RASSF2: variants seen among roughly 807,000 people sequenced by gnomAD.
RASSF2 encodes the protein Ras association domain family member 2, also known as ras association domain-containing protein 2.
Under a neutral mutation model 46.3 loss-of-function variants are expected in RASSF2, and 34 were observed. The ratio of observed to expected loss-of-function variants is 0.73; its 90% CI spans 0.56 to 0.98. RASSF2 has a LOEUF of 0.98. RASSF2 is among the 50% of genes least tolerant of loss of function. The pLI is 0.00. For missense variants in RASSF2, 364 were observed against 431.2 expected, an observed-to-expected ratio of 0.84 and a Z score of 1.38; for synonymous variants, 158 against 162.5, an observed-to-expected ratio of 0.97 and a Z score of 0.21.
At chr20:4,807,200 A>G (rs1927405552) in intron 2 of RASSF2, among the ~76,000 whole-genome samples, 1 of 152,188 alleles carries the variant, frequency 6.6e-6, no homozygotes, top group Admixed American at 6.5e-5. Context: ...GGAAGGGGGA[A>G]GACAGGGAAG....
In RASSF2 at chr20:4,782,899, C is replaced by G. The variant is rs73586971; in HGVS notation, c.*1374G>C. 3 of 147,658 alleles carry G rather than the reference C, an allele frequency of 2.0e-5. No individual in the cohort carries two copies. The highest frequency in any genetic ancestry group is 2.9e-5 in the Non-Finnish European group (2 of 68,118). 9.1% of individuals were successfully genotyped at this position (147,658 alleles called of 1,614,324 possible). ...GGCACCCAGGTCCAAGCATCTGTCT[C>G]CCTCCTCAAACGATATCAGCTGCAC... On this transcript the variant is annotated 3_prime_UTR_variant, in exon 12 of 12. Transcript: ENST00000379400.
intron 11 of RASSF2, 124 bp from the exon 12 acceptor site, chr20:4,784,466 C>G: frequency 1.2e-6 from 1 of 811,902 alleles, no homozygotes; most frequent in South Asian, 1.5e-5. Flanking sequence ...TGCCCTGCTC[C>G]TTTGCTTCCA....
intron 5 of RASSF2, 84 bp from the exon 6 acceptor site, chr20:4,792,711 C>G: frequency 7.9e-6 from 12 of 1,513,788 alleles, no homozygotes; most frequent in South Asian, 3.9e-5. Context: ...GGACCCCACT[C>G]CTGAAAGGGG....
At chr20:4,805,262 C>A (rs987609623) in intron 2 of RASSF2, among the ~76,000 whole-genome samples, 1 of 152,098 alleles carries the variant, frequency 6.6e-6, no homozygotes, top group African/African-American at 2.4e-5. Flanking sequence ...CTAAATGTAA[C>A]CACCAGTGTC....
At chr20:4,800,735 C>T (rs1269319947) in intron 3 of RASSF2, among the ~76,000 whole-genome samples, 1 of 152,152 alleles carries the variant, frequency 6.6e-6, no homozygotes, top group Non-Finnish European at 1.5e-5. Context: ...GTTTCTGCGT[C>T]TTGACTTCCC....
rs1170396766 is a variant in RASSF2, at chr20:4,780,780, G to A, written c.*3493C>T. 6.6e-6 allele frequency: 1 copy of A among 152,170 alleles called. No individual in the cohort carries two copies. Among genetic ancestry groups the A allele is most frequent in the Admixed American group, 6.5e-5 (1 of 15,282 alleles). The allele number at this position is 152,170 out of a possible 1,614,324, so 9.4% of individuals were successfully genotyped here. A position where few individuals can be genotyped will look rare whatever the true frequency, so the allele number is the denominator to read the frequency against. On this transcript the variant is annotated 3_prime_UTR_variant, in exon 12 of 12. Transcript: ENST00000379400. ...AGGAGTTCAAGACCAGCCTGGCCAAGATGGTGAAACCCCACCTCTACTAAA... is the reference window on the plus strand; with the variant it reads ...AGGAGTTCAAGACCAGCCTGGCCAAAATGGTGAAACCCCACCTCTACTAAA...
rs536027921 is a variant in RASSF2 at position 4,817,926 on chromosome 20, C to T, written c.-33+4403G>A. On this transcript the variant is annotated intron_variant, in intron 2 of 11. Transcript: ENST00000379400. ...CATATGGAATCATTTAATCCCTTGCCTTGGAGATGGGGAAACTGAGAACCA... is the reference window on the plus strand; with the variant it reads ...CATATGGAATCATTTAATCCCTTGCTTTGGAGATGGGGAAACTGAGAACCA... 9.9e-5 allele frequency among the ~76,000 whole-genome samples: 15 copies of T among 152,260 alleles called. No individual in the cohort carries two copies. The South Asian group carries it at 2.5e-3, about 25-fold the overall frequency.
intron 10 of RASSF2, among the ~76,000 whole-genome samples, chr20:4,787,057 CA>C (rs112411943): frequency 2.0e-3 from 268 of 135,732 alleles, no homozygotes; most frequent in Admixed American, 2.4e-3. Context: ...GACTCCATCC[CA>C]AAAAAAAAAA....
intron 2 of RASSF2, among the ~76,000 whole-genome samples, chr20:4,816,475 T>A (rs937529088): frequency 1.3e-5 from 2 of 152,200 alleles, no homozygotes; most frequent in Non-Finnish European, 2.9e-5. Flanking sequence ...GTGAGGGGGT[T>A]ATTGTTTAAT....
At chr20:4,811,784 G>C (rs1337724841) in intron 2 of RASSF2, among the ~76,000 whole-genome samples, 1 of 152,140 alleles carries the variant, frequency 6.6e-6, no homozygotes, top group Non-Finnish European at 1.5e-5. Context: ...CTGATGCAAA[G>C]GAAACGCTCA....
chr20:4,801,749 G>GT (rs1310890086), intron 2 of RASSF2, among the ~76,000 whole-genome samples: 2 of 151,702 alleles, frequency 1.3e-5, no homozygotes, highest in Admixed American at 6.6e-5. Context: ...GTTTTGTTTT[G>GT]TTTTTTGAGA....
Position 4,812,369 on chromosome 20 carries a change from G to A in RASSF2, c.-33+9960C>T, listed in dbSNP as rs547797948. On this transcript the variant is annotated intron_variant, in intron 2 of 11. Transcript: ENST00000379400. This position sits in a 1 kb window ranked among gnomAD's most constrained non-coding sequence, Gnocchi z 4.0. Reference sequence around the variant, plus strand: ...GAGGCACAAAGAAGCTATGCCACTTGCCCAAAGACACACAGCTAGAAGGGG... The same window carrying A: ...GAGGCACAAAGAAGCTATGCCACTTACCCAAAGACACACAGCTAGAAGGGG... Among the ~76,000 whole-genome samples the A allele has an allele frequency of 6.6e-6, 1 of 152,308 alleles. No homozygotes were observed. Among genetic ancestry groups the A allele is most frequent in the East Asian group, 1.9e-4 (1 of 5,186 alleles).
Position 4,792,571 on chromosome 20 carries a change from G to A in RASSF2, c.344C>T (p.Pro115Leu), listed in dbSNP as rs764346006. 2.5e-5 allele frequency: 41 copies of A among 1,613,942 alleles called. 1 individual carries two copies. The highest frequency in any genetic ancestry group is 6.6e-5 in the South Asian group (6 of 91,076). Residue 115 changes from proline to leucine, a missense_variant, in exon 6 of 12, where the codon CCG becomes CTG. Pro to Leu is a moderately conservative substitution (Grantham distance 98). Transcript: ENST00000379400. Reference protein sequence around the residue: ...PKVQISEVDAPPEGDQMPSST... With the variant: ...PKVQISEVDALPEGDQMPSST... ...GCTTGGCATCTGGTCACCCTCCGGCGGGGCATCCACCTCTGAGATCTGAAC... is the reference window on the plus strand; with the variant it reads ...GCTTGGCATCTGGTCACCCTCCGGCAGGGCATCCACCTCTGAGATCTGAAC...
At chr20:4,802,206 G>C (rs542106403) in intron 2 of RASSF2, among the ~76,000 whole-genome samples, 1 of 152,150 alleles carries the variant, frequency 6.6e-6, no homozygotes, top group African/African-American at 2.4e-5. Context: ...CGAGTAGCTG[G>C]AACTACAGGT....
chr20:4,821,109 G>A (rs891137248), intron 2 of RASSF2, among the ~76,000 whole-genome samples: 4 of 152,042 alleles, frequency 2.6e-5, no homozygotes, highest in Non-Finnish European at 4.4e-5. Context: ...GCCTGGCTCC[G>A]GGGCACCAGG....
chr20:4,783,915 C>T lies in RASSF2; in HGVS notation c.*358G>A. On this transcript the variant is annotated 3_prime_UTR_variant, in exon 12 of 12. Coordinates refer to ENST00000379400, the MANE Select transcript of RASSF2 (RefSeq NM_014737.3). ...CTGATTTTCCTGCTCACGAGCAGCA[C>T]ATGTGCCAAGCTCACGGCTCTTGTG... The T allele has an allele frequency of 4.7e-6, 1 of 214,488 alleles. No homozygotes were observed. The highest frequency in any genetic ancestry group is 1.0e-4 in the East Asian group (1 of 9,792). 13.3% of individuals were successfully genotyped at this position (214,488 alleles called of 1,614,324 possible). A position where few individuals can be genotyped will look rare whatever the true frequency, so the allele number is the denominator to read the frequency against.
chr20:4,809,446 A>G (rs1405932038), intron 2 of RASSF2, among the ~76,000 whole-genome samples: 2 of 152,054 alleles, frequency 1.3e-5, no homozygotes, highest in Non-Finnish European at 2.9e-5. Flanking sequence ...CAATGCAGGG[A>G]CAGGCACTCC....
In RASSF2 at chr20:4,790,900, A is replaced by G. The variant is rs1925818223; in HGVS notation, c.377-289T>C. 6.6e-6 allele frequency among the ~76,000 whole-genome samples: 1 copy of G among 152,174 alleles called. No homozygotes were observed. The highest frequency in any genetic ancestry group is 2.1e-4 in the South Asian group (1 of 4,822). ...GCCTCGGTGCTTTTATATATAAAAT[A>G]GGGATAATAATAACACCCACCTCAG... On this transcript the variant is annotated intron_variant, in intron 6 of 11. Transcript: ENST00000379400. This position sits in a 1 kb window ranked among gnomAD's most constrained non-coding sequence, Gnocchi z 4.3.
intron 1 of RASSF2, among the ~76,000 whole-genome samples, chr20:4,822,627 C>A (rs151258269): frequency 0.018 from 2,673 of 152,364 alleles, 82 homozygotes; most frequent in African/African-American, 0.059. Flanking sequence ...TAGCCGGGGC[C>A]GCCCACGGCA....
Sources: allele counts gnomAD v4.1 joint callset (sites outside exome capture counted in the v4.1 genomes callset), GRCh38; gene constraint gnomAD v4.1.1; non-coding constraint Gnocchi (gnomAD v3.1); transcripts MANE v1.5; gene names NCBI Gene and HGNC (gene_info 2026-07-23, HGNC 2026-07-21).